Variants in GALNTL6 observed in about 807,000 individuals in gnomAD.
GALNTL6 encodes polypeptide N-acetylgalactosaminyltransferase-like 6.
GALNTL6 carries 46 observed loss-of-function variants against 73.7 expected under a neutral mutation model. That is an observed-to-expected ratio of 0.62 (90% CI 0.49 to 0.80). The LOEUF (loss-of-function observed/expected upper bound fraction) is 0.80. Ranked by LOEUF, GALNTL6 falls within the 30% of genes least tolerant of loss-of-function variation. The pLI is 0.00. For synonymous variants in GALNTL6, 259 were observed against 263.7 expected (o/e 0.98, Z 0.17); for missense variants, 604 against 755.0 (o/e 0.80, Z 2.34).
In GALNTL6 at chr4:172,126,042, C is replaced by A. The variant is rs374182288; in HGVS notation, c.139-103614C>A. On this transcript the variant is annotated intron_variant, in intron 2 of 12. Transcript: ENST00000506823. ...TAGAATTTTTAACACTTAAAAACTTCTTTTCTAGTGAAAACCTAGGAAGCA... is the reference window on the plus strand; with the variant it reads ...TAGAATTTTTAACACTTAAAAACTTATTTTCTAGTGAAAACCTAGGAAGCA... Among the ~76,000 whole-genome samples, 4 of 143,838 alleles carry A rather than the reference C, an allele frequency of 2.8e-5. No homozygotes were observed. The East Asian group carries it at 7.7e-4, about 28-fold the overall frequency. 94.4% of individuals were successfully genotyped at this position (143,838 alleles called of 152,430 possible).
At chr4:172,746,625 C>T (rs761975130) in intron 5 of GALNTL6, among the ~76,000 whole-genome samples, 6 of 151,824 alleles carry the variant, frequency 4.0e-5, no homozygotes, top group Non-Finnish European at 7.4e-5. Context: ...TTTTAGTGGA[C>T]ATAATGTGGG....
intron 2 of GALNTL6, among the ~76,000 whole-genome samples, chr4:171,982,410 G>C (rs904541987): frequency 6.6e-6 from 1 of 152,024 alleles, no homozygotes; most frequent in Non-Finnish European, 1.5e-5. Context: ...TCATTCTCCT[G>C]CTTCAGCCTC....
chr4:172,037,986 G>A (rs1226846263), intron 2 of GALNTL6, among the ~76,000 whole-genome samples: 1 of 152,002 alleles, frequency 6.6e-6, no homozygotes, highest in Non-Finnish European at 1.5e-5. Context: ...GGGAGTGGTG[G>A]CACACGCCTG....
In GALNTL6 at chr4:172,434,572, T is replaced by C. The variant is rs1579068444; in HGVS notation, c.553+85883T>C. On this transcript the variant is annotated intron_variant, in intron 5 of 12. Transcript: ENST00000506823. Reference sequence around the variant, plus strand: ...ATAGACTTGCCTTTTTTGTAGACAATAAATTGTATTCTTTCTTTATCACCG... The same window carrying C: ...ATAGACTTGCCTTTTTTGTAGACAACAAATTGTATTCTTTCTTTATCACCG... Among the ~76,000 whole-genome samples, 3 of 152,214 alleles carry C rather than the reference T, an allele frequency of 2.0e-5. No individual in the cohort carries two copies. In the South Asian group the frequency reaches 6.2e-4, roughly 32 times the overall value.
At chr4:171,883,159 T>C (rs972086825) in intron 2 of GALNTL6, among the ~76,000 whole-genome samples, 1 of 152,026 alleles carries the variant, frequency 6.6e-6, no homozygotes, top group African/African-American at 2.4e-5. Flanking sequence ...AAGAGTAGCC[T>C]GACAAACATG....
At chr4:172,297,365 T>A (rs1434828735) in intron 3 of GALNTL6, among the ~76,000 whole-genome samples, 3 of 152,148 alleles carry the variant, frequency 2.0e-5, no homozygotes, top group Non-Finnish European at 1.5e-5. Flanking sequence ...TTTAATTAGA[T>A]CCCATTTGTC....
At chr4:172,643,657 A>G (rs1311086763) in intron 5 of GALNTL6, among the ~76,000 whole-genome samples, 1 of 152,010 alleles carries the variant, frequency 6.6e-6, no homozygotes, top group Non-Finnish European at 1.5e-5. Context: ...TTCTATAAAT[A>G]TAATCACACA....
At chr4:172,961,253 A>T (rs1750037601) in intron 10 of GALNTL6, among the ~76,000 whole-genome samples, 2 of 133,304 alleles carry the variant, frequency 1.5e-5, no homozygotes, top group Admixed American at 1.5e-4. Context: ...GTTCTTGCCC[A>T]CCAGAAAAGC....
chr4:172,919,302 C>G (rs1403180371), intron 8 of GALNTL6, among the ~76,000 whole-genome samples: 1 of 152,188 alleles, frequency 6.6e-6, no homozygotes, highest in Non-Finnish European at 1.5e-5. Context: ...AGGACCTTTG[C>G]TCTGAATGTC....
At chr4:172,194,223 G>A (rs1457581785) in intron 2 of GALNTL6, among the ~76,000 whole-genome samples, 1 of 152,144 alleles carries the variant, frequency 6.6e-6, no homozygotes. Flanking sequence ...TAGACCAAAT[G>A]TAGGAAAGAA....
intron 3 of GALNTL6, among the ~76,000 whole-genome samples, chr4:172,237,710 T>C (rs977217094): frequency 2.6e-5 from 4 of 152,202 alleles, no homozygotes; most frequent in Admixed American, 2.0e-4. Flanking sequence ...TCAAGGATTT[T>C]ATAATTTTAG....
rs185967112 is a variant in GALNTL6, at chr4:171,985,682, G to T, written c.138+170964G>T. Among the ~76,000 whole-genome samples the T allele has an allele frequency of 4.4e-4, 67 of 151,830 alleles. 1 individual carries two copies. In the East Asian group the frequency reaches 0.013, roughly 29 times the overall value. On this transcript the variant is annotated intron_variant, in intron 2 of 12. Coordinates refer to ENST00000506823, the MANE Select transcript of GALNTL6 (RefSeq NM_001034845.3). The stretch of plus-strand genomic sequence containing the variant: ...GATGTTTGTTTGAGAGATATAAAAA[G>T]CCTTTTAAAAATTAGGGCTGTCACT...
At chr4:171,940,120 T>G (rs979173375) in intron 2 of GALNTL6, among the ~76,000 whole-genome samples, 2 of 152,104 alleles carry the variant, frequency 1.3e-5, no homozygotes, top group African/African-American at 4.8e-5. Flanking sequence ...ATGAGAATAT[T>G]GAAAAAATGA....
At chr4:172,341,685 G>T (rs1741572731) in intron 4 of GALNTL6, among the ~76,000 whole-genome samples, 1 of 151,996 alleles carries the variant, frequency 6.6e-6, no homozygotes, top group African/African-American at 2.4e-5. Context: ...CTCTGCACAG[G>T]CTCTCCTTTT....
chr4:172,309,984 A>G (rs566030538), intron 3 of GALNTL6, among the ~76,000 whole-genome samples: 3 of 152,256 alleles, frequency 2.0e-5, no homozygotes, highest in African/African-American at 7.2e-5. Context: ...AAAAATATCA[A>G]TTATATAAGG....
chr4:172,379,269 G>T (rs547875584), intron 5 of GALNTL6, among the ~76,000 whole-genome samples: 2 of 152,136 alleles, frequency 1.3e-5, no homozygotes, highest in African/African-American at 4.8e-5. Flanking sequence ...GGTGGCTCAC[G>T]CCTGTAATCC....
At chr4:172,622,393 AT>A (rs1738997203) in intron 5 of GALNTL6, among the ~76,000 whole-genome samples, 1 of 152,208 alleles carries the variant, frequency 6.6e-6, no homozygotes, top group African/African-American at 2.4e-5. Flanking sequence ...ATTATGTAAG[AT>A]TTCATAGAAG....
intron 3 of GALNTL6, among the ~76,000 whole-genome samples, chr4:172,277,558 G>A (rs1396227207): frequency 6.6e-6 from 1 of 152,152 alleles, no homozygotes; most frequent in East Asian, 1.9e-4. Context: ...CCTTGGAGGG[G>A]AAATGGAAAG....
intron 7 of GALNTL6, among the ~76,000 whole-genome samples, chr4:172,875,854 A>G (rs1745168677): frequency 6.6e-6 from 1 of 152,150 alleles, no homozygotes; most frequent in African/African-American, 2.4e-5. Flanking sequence ...AAGACTGAAA[A>G]AAGCTTTACA....
Sources: gnomAD v4.1 joint callset for allele counts (sites outside exome capture counted in the v4.1 genomes callset) on GRCh38, gnomAD v4.1.1 for gene constraint, MANE v1.5 for transcripts, NCBI Gene and HGNC (gene_info 2026-07-23, HGNC 2026-07-21) for gene names.